The following TMEM86B variants were observed in gnomAD, a reference collection of about 807,000 sequenced individuals.
The protein encoded by TMEM86B is transmembrane protein 86B, also known as lysoplasmalogenase TMEM86B.
TMEM86B carries 15 observed loss-of-function variants against 12.3 expected under a neutral mutation model. The ratio of observed to expected loss-of-function variants is 1.22; its 90% confidence interval spans 0.81 to 1.87. TMEM86B has a LOEUF of 1.87. TMEM86B is among the 40% of genes most tolerant of loss of function. TMEM86B has a pLI of 0.00. For missense variants in TMEM86B, 328 were observed against 297.4 expected, an observed-to-expected ratio of 1.10 and a Z score of -0.76; for synonymous variants, 173 against 140.3, an observed-to-expected ratio of 1.23 and a Z score of -1.65.
At position 55,227,511 on chromosome 19, in the gene TMEM86B, G is replaced by A; in HGVS notation, c.351C>T (p.Phe117=). The part of the protein sequence containing the change: ...AHLLYVWAFG[F]SPLQPGLLLL... Reference sequence around the variant, plus strand: ...GCAGCAGGCCGGGCTGCAGGGGAGAGAAGCCGAAGGCCCAGACGTAGAGGA... The same window carrying A: ...GCAGCAGGCCGGGCTGCAGGGGAGAAAAGCCGAAGGCCCAGACGTAGAGGA... Residue 117 remains phenylalanine, a synonymous_variant, in exon 3 of 3, where the codon TTC becomes TTT. Transcript: ENST00000327042. The A allele has an allele frequency of 6.5e-7, 1 of 1,549,610 alleles. No homozygotes were observed.
Position 55,227,420 on chromosome 19 carries a change from C to A in TMEM86B, c.442G>T (p.Val148Phe). Residue 148 changes from valine to phenylalanine, a missense_variant, in exon 3 of 3, where the codon GTC becomes TTC. Transcript: ENST00000327042. Reference protein sequence around the residue: ...LVLQHLEPDMVLPVAAYGLIL... With the variant: ...LVLQHLEPDMFLPVAAYGLIL... ...AGCCCATAGGCTGCCACCGGCAGGA[C>A]CATATCCGGCTCGAGGTGCTGGAGC... is the stretch of plus-strand genomic sequence containing the variant. 1.3e-6 allele frequency: 2 copies of A among 1,575,676 alleles called. No individual in the cohort carries two copies. The highest frequency in any genetic ancestry group is 1.2e-5 in the South Asian group (1 of 86,534).
At chr19:55,228,468 A>G (rs1183530387) in intron 1 of TMEM86B, 31 bp from the exon 2 acceptor site, 17 of 1,605,762 alleles carry the variant, frequency 1.1e-5, no homozygotes, top group Non-Finnish European at 1.4e-5. Context: ...CTGAGCCGAA[A>G]CCCAGCCCAG....
At position 55,228,378 on chromosome 19, in the gene TMEM86B, G is replaced by A. The variant is rs776995961; in HGVS notation, c.111C>T (p.Cys37=). 7 of 1,613,890 alleles carry A rather than the reference G, an allele frequency of 4.3e-6. No individual in the cohort carries two copies. The highest frequency in any genetic ancestry group is 2.2e-5 in the East Asian group (1 of 44,884). ...PFILSCCVYF[C]LWIPEDQLSW... ...ACAGCTGGTCCTCGGGAATCCAGAG[G>A]CAGAAGTACACGCAGCAGGAGAGGA... The change falls in exon 2 of 3, where the codon TGC becomes TGT. Residue 37 remains cysteine (C), a synonymous_variant. Transcript: ENST00000327042.
Sources: allele counts gnomAD v4.1 joint callset, GRCh38; gene constraint gnomAD v4.1.1; transcripts MANE v1.5; gene names NCBI Gene and HGNC (gene_info 2026-07-23, HGNC 2026-07-21).